BATF3: variants seen among roughly 807,000 people sequenced by gnomAD.
BATF3 encodes the protein basic leucine zipper ATF-like transcription factor 3.
In BATF3, 8 loss-of-function variants were observed where a neutral mutation model predicts 16.1. The ratio of observed to expected loss-of-function variants is 0.50; its 90% CI spans 0.29 to 0.90. The LOEUF is 0.90. Ranked by LOEUF, BATF3 falls within the 40% of genes least tolerant of loss-of-function variation. The pLI is 0.08. For missense variants in BATF3, 139 were observed against 167.0 expected (o/e 0.83, Z 0.92); for synonymous variants, 74 against 72.7 (o/e 1.02, Z -0.09).
chr1:212,696,424 GT>G (rs1317793033), intron 2 of BATF3, among the ~76,000 whole-genome samples: 7 of 39,974 alleles, frequency 1.8e-4, no homozygotes, highest in Non-Finnish European at 4.9e-4. Context: ...TTTCTGTAGG[GT>G]GTGTGTGTGT....
At chr1:212,693,901 T>C (rs186347293) in intron 2 of BATF3, among the ~76,000 whole-genome samples, 30 of 152,302 alleles carry the variant, frequency 2.0e-4, no homozygotes, top group African/African-American at 7.0e-4. Context: ...TACATTCTAA[T>C]CTCTTGAACC....
At chr1:212,697,098 T>C (rs1474881233) in intron 1 of BATF3, 33 bp from the exon 2 acceptor site, 2 of 1,564,484 alleles carry the variant, frequency 1.3e-6, no homozygotes, top group African/African-American at 1.4e-5. Flanking sequence ...TGTGATGTCG[T>C]GGCCCCTCGC....
intron 2 of BATF3, among the ~76,000 whole-genome samples, chr1:212,693,572 AACCCACCC>A (rs1657053305): frequency 6.6e-6 from 1 of 152,122 alleles, no homozygotes; most frequent in Non-Finnish European, 1.5e-5. Flanking sequence ...GCTTCAGATC[AACCCACCC>A]CATTTCTGAA....
At chr1:212,687,718 G>A (rs1656882671) in intron 2 of BATF3, among the ~76,000 whole-genome samples, 1 of 151,942 alleles carries the variant, frequency 6.6e-6, no homozygotes, top group South Asian at 2.1e-4. Context: ...TTAAGGCCAG[G>A]AGTTTGAGAC....
Position 212,689,756 on chromosome 1 carries a change from T to C in BATF3, c.196-2777A>G, listed in dbSNP as rs1656951620. ...ACACACTCTTACACACATACACATA[T>C]ACACACACTCACACACGTCCGCAAA... On this transcript the variant is annotated intron_variant, in intron 2 of 2. Coordinates refer to ENST00000243440, the MANE Select transcript of BATF3 (RefSeq NM_018664.3). This position sits in a 1 kb window ranked among gnomAD's most constrained non-coding sequence, Gnocchi z 4.6. Among the ~76,000 whole-genome samples, 1 of 149,856 alleles carries C rather than the reference T, an allele frequency of 6.7e-6. No homozygotes were observed. The highest frequency in any genetic ancestry group is 1.5e-5 in the Non-Finnish European group (1 of 67,446).
Position 212,699,589 on chromosome 1 carries a change from G to C in BATF3, c.90+84C>G, listed in dbSNP as rs6657898. 9 of 1,131,074 alleles carry C rather than the reference G, an allele frequency of 8.0e-6. No homozygotes were observed. The African/African-American group carries it at 9.7e-5, about 12-fold the overall frequency. The allele number at this position is 1,131,074 out of a possible 1,614,324, so 70.1% of individuals were successfully genotyped here. A position where few individuals can be genotyped will look rare whatever the true frequency, so the allele number is the denominator to read the frequency against. On this transcript the variant is annotated intron_variant, in intron 1 of 2. Transcript: ENST00000243440. The surrounding 1 kb of genome is among the most constrained non-coding windows in gnomAD (Gnocchi z 4.4). ...TCTGCACCTCCGCAGTCACCACCAC[G>C]GAACTCCAGCACCCACCTCCTCGCC...
intron 1 of BATF3, chr1:212,698,633 T>C (rs1222089115): frequency 6.6e-6 from 1 of 152,246 alleles, no homozygotes; most frequent in Non-Finnish European, 1.5e-5. Context: ...CATGCCTCTT[T>C]GCTCTCTGTA....
intron 2 of BATF3, among the ~76,000 whole-genome samples, chr1:212,696,121 G>C (rs764967678): frequency 6.7e-6 from 1 of 149,794 alleles, no homozygotes; most frequent in Non-Finnish European, 1.5e-5. Context: ...CAGATTAATA[G>C]ATTAAGTCTT....
intron 2 of BATF3, among the ~76,000 whole-genome samples, chr1:212,688,264 T>C (rs1421696279): frequency 6.6e-6 from 1 of 152,206 alleles, no homozygotes; most frequent in Non-Finnish European, 1.5e-5. Context: ...TTTGCCATTC[T>C]GGGGACCCTC....
Position 212,699,710 on chromosome 1 carries a change from G to C in BATF3, c.53C>G (p.Ala18Gly), listed in dbSNP as rs768193692. 7.4e-7 allele frequency: 1 copy of C among 1,347,714 alleles called. No individual in the cohort carries two copies. The highest frequency in any genetic ancestry group is 9.6e-7 in the Non-Finnish European group (1 of 1,044,630). The allele number at this position is 1,347,714 out of a possible 1,614,324, so 83.5% of individuals were successfully genotyped here. Residue 18 changes from alanine to glycine, a missense_variant, in exon 1 of 3, where the codon GCG becomes GGG. Transcript: ENST00000243440. This position sits in a 1 kb window ranked among gnomAD's most constrained non-coding sequence, Gnocchi z 4.4. The stretch of plus-strand genomic sequence containing the variant: ...CTGCGGCTGCGGCTGGTTCCCGGGC[G>C]CCGCGACGCTCCTCTGCAGGACGCT... ...AGSVLQRSVAAPGNQPQPQPQ... is the reference protein window; with the variant it reads ...AGSVLQRSVAGPGNQPQPQPQ...
rs557582147 is a variant in BATF3, at chr1:212,699,612, G to T, written c.90+61C>A. 20 of 1,227,274 alleles carry T rather than the reference G, an allele frequency of 1.6e-5. No homozygotes were observed. The African/African-American group carries it at 2.4e-4, about 14-fold the overall frequency. 76.0% of individuals were successfully genotyped at this position (1,227,274 alleles called of 1,614,324 possible). A position where few individuals can be genotyped will look rare whatever the true frequency, so the allele number is the denominator to read the frequency against. On this transcript the variant is annotated intron_variant, in intron 1 of 2. Coordinates refer to ENST00000243440, the MANE Select transcript of BATF3 (RefSeq NM_018664.3). This position sits in a 1 kb window ranked among gnomAD's most constrained non-coding sequence, Gnocchi z 4.4. The stretch of plus-strand genomic sequence containing the variant: ...ACGGAACTCCAGCACCCACCTCCTC[G>T]CCCCCCGCGGCGCGCCGGTCCCCGC...
At chr1:212,695,288 T>A (rs1048415881) in intron 2 of BATF3, among the ~76,000 whole-genome samples, 2 of 150,804 alleles carry the variant, frequency 1.3e-5, no homozygotes, top group Admixed American at 1.3e-4. Context: ...AGGTGAGGAG[T>A]TCGAGACCAG....
In BATF3 at chr1:212,699,349, C is replaced by T. The variant is rs1210914678; in HGVS notation, c.90+324G>A. Among the ~76,000 whole-genome samples the T allele has an allele frequency of 6.6e-6, 1 of 152,106 alleles. No homozygotes were observed. The highest frequency in any genetic ancestry group is 1.9e-4 in the East Asian group (1 of 5,174). ...CGCCAGGATGGGGCGGCCCTCAGGG[C>T]AGTGCGGAGCCCACGTGCCGGGGAG... On this transcript the variant is annotated intron_variant, in intron 1 of 2. Coordinates refer to ENST00000243440, the MANE Select transcript of BATF3 (RefSeq NM_018664.3). The surrounding 1 kb of genome is among the most constrained non-coding windows in gnomAD (Gnocchi z 4.4).
chr1:212,698,636 T>C (rs1467134766), intron 1 of BATF3: 2 of 152,168 alleles, frequency 1.3e-5, no homozygotes, highest in African/African-American at 2.4e-5. Flanking sequence ...GCCTCTTTGC[T>C]CTCTGTAATC....
chr1:212,688,000 G>GAAATAAAGAAAGA (rs397956793), intron 2 of BATF3, among the ~76,000 whole-genome samples: 1 of 66,558 alleles, frequency 1.5e-5, no homozygotes, highest in Non-Finnish European at 3.0e-5. Flanking sequence ...AGAAAGAAAG[G>GAAATAAAGAAAGA]AAGGAAGGAA....
At chr1:212,687,229 ACAAATGTATACACCTGTGTTGAT>A (rs1374865687) in intron 2 of BATF3, among the ~76,000 whole-genome samples, 1 of 152,184 alleles carries the variant, frequency 6.6e-6, no homozygotes, top group Non-Finnish European at 1.5e-5. Flanking sequence ...GTGAGTTTTG[ACAAATGTATACACCTGTGTTGAT>A]CAATACACGG....
chr1:212,696,675 G>A (rs11584623), intron 2 of BATF3, among the ~76,000 whole-genome samples: 33,877 of 151,948 alleles, frequency 0.22, 4,122 homozygotes, highest in Non-Finnish European at 0.26. Context: ...AAGGACGTGA[G>A]GGAAGAAAAG....
At position 212,699,567 on chromosome 1, in the gene BATF3, G is replaced by T; in HGVS notation, c.90+106C>A. The T allele has an allele frequency of 1.1e-6, 1 of 937,778 alleles. No individual in the cohort carries two copies. Among genetic ancestry groups the T allele is most frequent in the Non-Finnish European group, 1.4e-6 (1 of 721,908 alleles). 58.1% of individuals were successfully genotyped at this position (937,778 alleles called of 1,614,324 possible). A position where few individuals can be genotyped will look rare whatever the true frequency, so the allele number is the denominator to read the frequency against. ...GTCTCCGGCCGCACCCGCCACCTCT[G>T]CACCTCCGCAGTCACCACCACGGAA... is the stretch of plus-strand genomic sequence containing the variant. On this transcript the variant is annotated intron_variant, in intron 1 of 2. Transcript: ENST00000243440. The surrounding 1 kb of genome is among the most constrained non-coding windows in gnomAD (Gnocchi z 4.4).
chr1:212,687,084 C>T lies in BATF3; in HGVS notation c.196-105G>A, dbSNP rs1322675638. On this transcript the variant is annotated intron_variant, in intron 2 of 2. Transcript: ENST00000243440. ...CTTGCCCATGAAAGCTGTCTCATTA[C>T]GCATGTCCCCTCCACTGCTCAGATA... 1.2e-5 allele frequency: 9 copies of T among 737,126 alleles called. 1 individual carries two copies. The highest frequency in any genetic ancestry group is 5.2e-5 in the African/African-American group (3 of 58,170). The allele number at this position is 737,126 out of a possible 1,614,324, so 45.7% of individuals were successfully genotyped here.
Sources: gnomAD v4.1 joint callset for allele counts (sites outside exome capture counted in the v4.1 genomes callset) on GRCh38, gnomAD v4.1.1 for gene constraint, Gnocchi (gnomAD v3.1) non-coding constraint, MANE v1.5 for transcripts, NCBI Gene and HGNC (gene_info 2026-07-23, HGNC 2026-07-21) for gene names.